ZBTB8A: variants seen among roughly 807,000 people sequenced by gnomAD.
ZBTB8A encodes zinc finger and BTB domain-containing protein 8A.
A neutral mutation model predicts 37.8 loss-of-function variants in ZBTB8A; 19 were observed. The ratio of observed to expected loss-of-function variants is 0.50; its 90% CI spans 0.35 to 0.74. The LOEUF is 0.74. Among genes scored for constraint, ZBTB8A ranks in the 30% least tolerant of loss-of-function variants. The probability of loss-of-function intolerance (pLI) is 0.01; values close to 1 mark genes in which losing one functional copy is unlikely to be tolerated. For synonymous variants in ZBTB8A, 181 were observed against 185.2 expected (o/e 0.98, Z 0.19); for missense variants, 394 against 537.8 (o/e 0.73, Z 2.65).
intron 2 of ZBTB8A, among the ~76,000 whole-genome samples, chr1:32,555,537 C>T (rs1644194698): frequency 6.6e-6 from 1 of 152,160 alleles, no homozygotes; most frequent in Non-Finnish European, 1.5e-5. Flanking sequence ...GCTAATGTGT[C>T]ACAAAGCTCT....
chr1:32,591,648 C>T (rs1198092971), intron 2 of ZBTB8A, among the ~76,000 whole-genome samples: 1 of 152,108 alleles, frequency 6.6e-6, no homozygotes, highest in African/African-American at 2.4e-5. Flanking sequence ...TGCAGTGGCT[C>T]ATGCCTGTAA....
intron 2 of ZBTB8A, among the ~76,000 whole-genome samples, chr1:32,556,167 G>A (rs968184922): frequency 6.6e-6 from 1 of 152,106 alleles, no homozygotes; most frequent in African/African-American, 2.4e-5. Context: ...TCCACCTCCC[G>A]GGTTCAAGCG....
At chr1:32,543,895 C>G (rs1644079695) in intron 1 of ZBTB8A, among the ~76,000 whole-genome samples, 1 of 152,156 alleles carries the variant, frequency 6.6e-6, no homozygotes, top group Admixed American at 6.6e-5. Context: ...CCAGGATGGT[C>G]TCGGTCTCCT....
chr1:32,556,573 A>G (rs773090914), intron 2 of ZBTB8A, among the ~76,000 whole-genome samples: 5 of 149,482 alleles, frequency 3.3e-5, no homozygotes, highest in Non-Finnish European at 5.9e-5. Flanking sequence ...CTCAAACTTA[A>G]TTTAAGAAAA....
intron 2 of ZBTB8A, among the ~76,000 whole-genome samples, chr1:32,590,675 A>G (rs941868211): frequency 6.6e-6 from 1 of 152,096 alleles, no homozygotes; most frequent in Non-Finnish European, 1.5e-5. Flanking sequence ...GTTTTCACCT[A>G]TCTTGCTGGA....
intron 2 of ZBTB8A, among the ~76,000 whole-genome samples, chr1:32,582,983 G>A (rs1644419014): frequency 6.6e-6 from 1 of 152,136 alleles, no homozygotes; most frequent in African/African-American, 2.4e-5. Context: ...CTTCATTATA[G>A]ATAAAACTCC....
At chr1:32,591,776 A>G (rs1476499396) in intron 2 of ZBTB8A, among the ~76,000 whole-genome samples, 4 of 152,018 alleles carry the variant, frequency 2.6e-5, no homozygotes, top group Admixed American at 6.6e-5. Flanking sequence ...TGCTCAATAA[A>G]TTTTGCTAAT....
intron 2 of ZBTB8A, among the ~76,000 whole-genome samples, chr1:32,573,086 T>A (rs1644333913): frequency 6.7e-6 from 1 of 149,474 alleles, no homozygotes; most frequent in Admixed American, 6.7e-5. Flanking sequence ...TTTTTTTTTT[T>A]TTGAGACTGG....
In ZBTB8A at chr1:32,593,709, T is replaced by C. The variant is rs148974909; in HGVS notation, c.778T>C (p.Tyr260His). 35 of 1,613,998 alleles carry C rather than the reference T, an allele frequency of 2.2e-5. No homozygotes were observed. The highest frequency in any genetic ancestry group is 2.5e-5 in the Non-Finnish European group (30 of 1,180,020). ...TGAAATGGACTCTACTCCTGTTGGC[T>C]ATCAGTACGGTCAAGGATCTGATGT... ...DAEMDSTPVG[Y>H]QYGQGSDVTS... The change falls in exon 3 of 5, where the codon TAT becomes CAT. Residue 260 changes from tyrosine to histidine, a missense_variant. Tyr to His is a moderately conservative substitution (Grantham distance 83, BLOSUM62 2). Transcript: ENST00000373510.
Position 32,602,335 on chromosome 1 carries a change from A to AG in ZBTB8A, c.*1916_*1917insG, listed in dbSNP as rs1247190498. On this transcript the variant is annotated 3_prime_UTR_variant, in exon 5 of 5. Coordinates refer to ENST00000373510, the MANE Select transcript of ZBTB8A (RefSeq NM_001040441.3). Reference sequence around the variant, plus strand: ...AAGAGCGAAACTCCGTCTCAAAAAAAAAAAAAAAAAAAACTTCTCCCCTGC... The same window carrying AG: ...AAGAGCGAAACTCCGTCTCAAAAAAAGAAAAAAAAAAAAACTTCTCCCCTGC... 6.6e-6 allele frequency: 1 copy of AG among 152,342 alleles called. No homozygotes were observed. The highest frequency in any genetic ancestry group is 1.5e-5 in the Non-Finnish European group (1 of 68,382). The allele number at this position is 152,342 out of a possible 1,614,324, so 9.4% of individuals were successfully genotyped here. A position where few individuals can be genotyped will look rare whatever the true frequency, so the allele number is the denominator to read the frequency against.
intron 2 of ZBTB8A, among the ~76,000 whole-genome samples, chr1:32,573,262 G>A (rs1256838670): frequency 2.0e-5 from 3 of 147,532 alleles, no homozygotes; most frequent in Non-Finnish European, 4.5e-5. Context: ...TTTTAGTAGA[G>A]ATGGGGTTTC....
rs78207708 is a variant in ZBTB8A at position 32,561,752 on chromosome 1, C to T, written c.-2+8212C>T. Among the ~76,000 whole-genome samples the T allele has an allele frequency of 9.3e-3, 1,408 of 151,864 alleles. 23 individuals are homozygous for T. Among genetic ancestry groups the T allele is most frequent in the African/African-American group, 0.031 (1,297 of 41,404 alleles). ...CTCCAGATCTCTCCTTATAATGATA[C>T]CACCCTAATCCAGGATGACCTCATC... On this transcript the variant is annotated intron_variant, in intron 2 of 4. Transcript: ENST00000373510.
rs1644586707 is a variant in ZBTB8A at position 32,602,707 on chromosome 1, A to C, written c.*2288A>C. 1 of 149,536 alleles carries C rather than the reference A, an allele frequency of 6.7e-6. No homozygotes were observed. The highest frequency in any genetic ancestry group is 2.5e-5 in the African/African-American group (1 of 40,510). 9.3% of individuals were successfully genotyped at this position (149,536 alleles called of 1,614,324 possible). A position where few individuals can be genotyped will look rare whatever the true frequency, so the allele number is the denominator to read the frequency against. ...CTGGGACTTACAGGCGCCCACCACC[A>C]CTCCCAGCTAATTTTTTGTATTTTT... On this transcript the variant is annotated 3_prime_UTR_variant, in exon 5 of 5. Transcript: ENST00000373510.
At position 32,560,006 on chromosome 1, in the gene ZBTB8A, C is replaced by CAT. The variant is rs1402280093; in HGVS notation, c.-2+6468_-2+6469dup. ...ACAGTTCTGCAGGCTGTACAGGAAG[C>CAT]ATAGTAGCTTCTGCTTCTGGGGAGG... is the stretch of plus-strand genomic sequence containing the variant. On this transcript the variant is annotated intron_variant, in intron 2 of 4. Transcript: ENST00000373510. Among the ~76,000 whole-genome samples, 4 of 152,220 alleles carry CAT rather than the reference C, an allele frequency of 2.6e-5. No homozygotes were observed. In the East Asian group the frequency reaches 7.7e-4, roughly 29 times the overall value.
rs1252769689 is a variant in ZBTB8A at position 32,603,419 on chromosome 1, C to T, written c.*3000C>T. The T allele has an allele frequency of 5.9e-5, 9 of 152,238 alleles. No homozygotes were observed. Among genetic ancestry groups the T allele is most frequent in the Non-Finnish European group, 1.3e-4 (9 of 68,070 alleles). The allele number at this position is 152,238 out of a possible 1,614,324, so 9.4% of individuals were successfully genotyped here. A position where few individuals can be genotyped will look rare whatever the true frequency, so the allele number is the denominator to read the frequency against. On this transcript the variant is annotated 3_prime_UTR_variant, in exon 5 of 5. Coordinates refer to ENST00000373510, the MANE Select transcript of ZBTB8A (RefSeq NM_001040441.3). The stretch of plus-strand genomic sequence containing the variant: ...CTGGGATTACAGGCGTGAGCCAGCA[C>T]GCCCGGCCTAAATCAGGATTCTTAA...
chr1:32,595,594 G>C (rs1415168359), intron 4 of ZBTB8A, among the ~76,000 whole-genome samples: 1 of 148,666 alleles, frequency 6.7e-6, no homozygotes, highest in African/African-American at 2.5e-5. Flanking sequence ...TTTTGAGACA[G>C]GGTCTCTCTC....
chr1:32,549,776 A>G (rs1016319134), intron 1 of ZBTB8A, among the ~76,000 whole-genome samples: 1 of 152,108 alleles, frequency 6.6e-6, no homozygotes, highest in African/African-American at 2.4e-5. Context: ...CTACCCCTGA[A>G]CTTCCCCTGA....
At chr1:32,559,258 C>T (rs1644225838) in intron 2 of ZBTB8A, among the ~76,000 whole-genome samples, 1 of 151,998 alleles carries the variant, frequency 6.6e-6, no homozygotes, top group South Asian at 2.1e-4. Flanking sequence ...ATTACAGGCA[C>T]CCGCCACCAC....
intron 2 of ZBTB8A, among the ~76,000 whole-genome samples, chr1:32,556,008 A>C (rs1644198923): frequency 6.6e-6 from 1 of 151,928 alleles, no homozygotes; most frequent in Non-Finnish European, 1.5e-5. Flanking sequence ...TCCTGGGCTC[A>C]AGTGACGCTC....
Sources: allele counts gnomAD v4.1 joint callset (sites outside exome capture counted in the v4.1 genomes callset), GRCh38; gene constraint gnomAD v4.1.1; transcripts MANE v1.5; gene names NCBI Gene and HGNC (gene_info 2026-07-23, HGNC 2026-07-21).